The following TCOF1 variants were observed in gnomAD, a reference collection of about 807,000 sequenced individuals.
The protein encoded by TCOF1 is treacle protein.
TCOF1 carries 33 observed loss-of-function variants against 149.0 expected under a neutral mutation model. The ratio of observed to expected loss-of-function variants is 0.22; its 90% CI spans 0.17 to 0.30. The LOEUF is 0.30. Among genes scored for constraint, TCOF1 ranks in the 10% least tolerant of loss-of-function variants. TCOF1 has a pLI of 1.00. For missense variants in TCOF1, 1,728 were observed against 1,840.7 expected (o/e 0.94, Z 1.12); for synonymous variants, 789 against 738.8 (o/e 1.07, Z -1.10).
chr5:150,375,227 C>G, intron 10 of TCOF1, 64 bp downstream of exon 10: 2 of 1,611,524 alleles, frequency 1.2e-6, no homozygotes, highest in Non-Finnish European at 1.7e-6. Context: ...GTGGTTTTGA[C>G]TTTTCCTCTC....
chr5:150,360,647 G>A (rs1179914459), intron 1 of TCOF1, among the ~76,000 whole-genome samples: 3 of 152,112 alleles, frequency 2.0e-5, no homozygotes, highest in Admixed American at 6.6e-5. Flanking sequence ...TTTTAGTTGG[G>A]ATTGGTTGTT....
intron 21 of TCOF1, 87 bp downstream of exon 21, chr5:150,392,263 T>C (rs910108397): frequency 7.4e-6 from 10 of 1,355,182 alleles, no homozygotes; most frequent in East Asian, 4.8e-5. Context: ...CTCAGCTCCA[T>C]ATCTCAGACT....
chr5:150,399,607 C>T (rs1769365733), intron 26 of TCOF1, among the ~76,000 whole-genome samples: 9 of 151,980 alleles, frequency 5.9e-5, no homozygotes, highest in Admixed American at 3.9e-4. Context: ...ATGCAGAGCC[C>T]GCCTCCTGGG....
intron 1 of TCOF1, among the ~76,000 whole-genome samples, chr5:150,358,530 A>T (rs1029929976): frequency 6.6e-6 from 1 of 152,174 alleles, no homozygotes; most frequent in South Asian, 2.1e-4. Flanking sequence ...TAGCACCGCA[A>T]TAAGTGTTAA....
At chr5:150,389,817 G>GT in intron 18 of TCOF1, 70 bp from the exon 19 acceptor site, 1 of 1,612,742 alleles carries the variant, frequency 6.2e-7, no homozygotes, top group South Asian at 1.1e-5. Context: ...GGTAAATTGG[G>GT]TTATTGCCGC....
rs141805606 is a variant in TCOF1, at chr5:150,368,786, A to G, written c.449A>G (p.Asn150Ser). Residue 150 changes from asparagine to serine, a missense_variant, in exon 5 of 27, where the codon AAC becomes AGC. Around this residue, in one of 2 missense-constraint regions of TCOF1, gnomAD observed 1,696 missense variants for 1,765.4 expected, o/e 0.96. Coordinates refer to ENST00000643257, the MANE Select transcript of TCOF1 (RefSeq NM_001371623.1). ...PHPATGKTVA[N>S]LLSGKSPRKS... is the part of the protein sequence containing the mutation. ...CCTGCCACTGGGAAGACGGTGGCCA[A>G]CCTTCTTTCTGGGAAGTCTCCCAGG... 55 of 1,614,082 alleles carry G rather than the reference A, an allele frequency of 3.4e-5. No individual in the cohort carries two copies. The highest frequency in any genetic ancestry group is 1.4e-4 in the South Asian group (13 of 91,080).
chr5:150,374,038 T>A lies in TCOF1; in HGVS notation c.871-136T>A, dbSNP rs536621316. ...CCAGGAGGCCAGTGTGGCCAAAGTA[T>A]CAGTCAAGGTGGGGAGTGGGGAGGG... On this transcript the variant is annotated intron_variant, in intron 7 of 26. Transcript: ENST00000643257. 9 of 960,540 alleles carry A rather than the reference T, an allele frequency of 9.4e-6. No individual in the cohort carries two copies. The South Asian group carries it at 1.1e-4, about 12-fold the overall frequency. The allele number at this position is 960,540 out of a possible 1,614,324, so 59.5% of individuals were successfully genotyped here. A position where few individuals can be genotyped will look rare whatever the true frequency, so the allele number is the denominator to read the frequency against.
At position 150,378,936 on chromosome 5, in the gene TCOF1, A is replaced by T. The variant is rs1397458732; in HGVS notation, c.2372A>T (p.Lys791Ile). ...VKTSVKKTQA[K>I]ANPAAARAPS... ...ACCTCAGTAAAGAAAACCCAGGCCA[A>T]AGCCAACCCAGCTGCCGCCAGAGCA... is the stretch of plus-strand genomic sequence containing the variant. Residue 791 changes from lysine (K) to isoleucine (I), a missense_variant, in exon 15 of 27, where the codon AAA becomes ATA. Lys to Ile is a moderately radical substitution (Grantham distance 102). Transcript: ENST00000643257. The T allele has an allele frequency of 1.2e-6, 2 of 1,614,120 alleles. No homozygotes were observed. Among genetic ancestry groups the T allele is most frequent in the Non-Finnish European group, 1.7e-6 (2 of 1,180,028 alleles).
At chr5:150,364,440 T>TG (rs1562289993) in intron 3 of TCOF1, among the ~76,000 whole-genome samples, 188 bp downstream of exon 3, 1 of 152,192 alleles carries the variant, frequency 6.6e-6, no homozygotes, top group Non-Finnish European at 1.5e-5. Flanking sequence ...CTCCATGCTC[T>TG]GGGGGTGCAA....
Position 150,368,735 on chromosome 5 carries a change from G to A in TCOF1, c.398G>A (p.Gly133Asp). The change falls in exon 5 of 27, where the codon GGC becomes GAC. Residue 133 changes from glycine to aspartate, a missense_variant. This residue lies in a region of TCOF1 where 1,696 missense variants were observed against 1,765.4 expected (regional missense o/e 0.96). Coordinates refer to ENST00000643257, the MANE Select transcript of TCOF1 (RefSeq NM_001371623.1). Reference sequence around the variant, plus strand: ...CTGTAGGCAGAGACAGAGAAAGCTGGCAAGACTGGGAATTCCATGCCACAC... The same window carrying A: ...CTGTAGGCAGAGACAGAGAAAGCTGACAAGACTGGGAATTCCATGCCACAC... ...EKAKAETEKA[G>D]KTGNSMPHPA... 6.2e-7 allele frequency: 1 copy of A among 1,614,044 alleles called. No individual in the cohort carries two copies. Among genetic ancestry groups the A allele is most frequent in the Non-Finnish European group, 8.5e-7 (1 of 1,180,004 alleles).
Position 150,379,237 on chromosome 5 carries a change from A to G in TCOF1, c.2487A>G (p.Pro829=). 1.2e-6 allele frequency: 2 copies of G among 1,614,206 alleles called. No homozygotes were observed. The highest frequency in any genetic ancestry group is 1.7e-6 in the Non-Finnish European group (2 of 1,180,020). The change falls in exon 16 of 27, where the codon CCA becomes CCG. Residue 829 remains proline (P), a synonymous_variant. Coordinates refer to ENST00000643257, the MANE Select transcript of TCOF1 (RefSeq NM_001371623.1). ...ATCCCCCTGCAATTCAGGTGAAGCC[A>G]CCAGTGAGAAACCCCCAGAACAGTA... ...AKQRSPSKVK[P]PVRNPQNSTV... is the part of the protein sequence containing the mutation.
At chr5:150,392,567 A>G in intron 21 of TCOF1, 138 bp from the exon 22 acceptor site, 1 of 790,738 alleles carries the variant, frequency 1.3e-6, no homozygotes, top group Non-Finnish European at 2.1e-6. Flanking sequence ...TTGAAGCAGT[A>G]GGAAGACTTG....
intron 17 of TCOF1, among the ~76,000 whole-genome samples, chr5:150,386,108 C>G (rs1443821477): frequency 6.6e-6 from 1 of 152,190 alleles, no homozygotes; most frequent in Non-Finnish European, 1.5e-5. Context: ...CACTGCCCAC[C>G]TTTATGAACT....
At chr5:150,370,499 G>A (rs1762283373) in intron 6 of TCOF1, among the ~76,000 whole-genome samples, 1 of 152,152 alleles carries the variant, frequency 6.6e-6, no homozygotes, top group Non-Finnish European at 1.5e-5. Context: ...GGGATTACAG[G>A]TGCACGCCAC....
At chr5:150,380,086 GAAAA>G (rs878900348) in intron 17 of TCOF1, 19 of 246,538 alleles carry the variant, frequency 7.7e-5, no homozygotes, top group East Asian at 5.9e-4. Flanking sequence ...AAAAAAAAAA[GAAAA>G]AAAAGAAAAG....
Position 150,386,422 on chromosome 5 carries a change from T to C in TCOF1, c.2860-1480T>C, listed in dbSNP as rs114798393. ...ATCGTGGGAAGGAAGGCTCTGGAAGTGGCAGATCGGAGCAGCCGCGGGGGA... is the reference window on the plus strand; with the variant it reads ...ATCGTGGGAAGGAAGGCTCTGGAAGCGGCAGATCGGAGCAGCCGCGGGGGA... On this transcript the variant is annotated intron_variant, in intron 17 of 26. Transcript: ENST00000643257. Among the ~76,000 whole-genome samples, 1,226 of 152,296 alleles carry C rather than the reference T, an allele frequency of 8.1e-3. 16 individuals carry two copies. The highest frequency in any genetic ancestry group is 0.028 in the African/African-American group (1,166 of 41,556).
At chr5:150,398,270 C>T in intron 24 of TCOF1, 84 bp from the exon 25 acceptor site, 1 of 1,599,636 alleles carries the variant, frequency 6.3e-7, no homozygotes. Flanking sequence ...AAGCTGGGAG[C>T]CCTGCCCTGT....
chr5:150,384,721 CAGG>C (rs1765929127), intron 17 of TCOF1: 1 of 985,386 alleles, frequency 1.0e-6, no homozygotes, highest in South Asian at 4.7e-5. Flanking sequence ...TACATTCCCC[CAGG>C]AGGATTCGGG....
intron 17 of TCOF1, chr5:150,383,163 AC>A (rs1269382891): frequency 6.5e-7 from 1 of 1,535,778 alleles, no homozygotes; most frequent in African/African-American, 1.4e-5. Context: ...AAGAGCTGCC[AC>A]TGACCCAGGT....
Sources: gnomAD v4.1 joint callset for allele counts (sites outside exome capture counted in the v4.1 genomes callset) on GRCh38, gnomAD v4.1.1 for gene constraint, gnomAD v4.1.1 regional missense constraint, MANE v1.5 for transcripts, NCBI Gene and HGNC (gene_info 2026-07-23, HGNC 2026-07-21) for gene names.